PDXDC1: variants seen among roughly 807,000 people sequenced by gnomAD.
The protein encoded by PDXDC1 is pyridoxal dependent decarboxylase domain containing 1.
PDXDC1 carries 42 observed loss-of-function variants against 100.1 expected under a neutral mutation model. The observed-to-expected ratio is 0.42, with a 90% CI of 0.33 to 0.54. PDXDC1 has a LOEUF of 0.54. Ranked by LOEUF, PDXDC1 falls within the 20% of genes least tolerant of loss-of-function variation. The pLI, the probability that PDXDC1 is intolerant of heterozygous loss-of-function variation, is 0.10. For missense variants in PDXDC1, 636 were observed against 979.2 expected (o/e 0.65, Z 4.68); for synonymous variants, 260 against 371.7 (o/e 0.70, Z 3.46).
intron 16 of PDXDC1, among the ~76,000 whole-genome samples, chr16:15,089,617 G>GCA: frequency 6.6e-6 from 1 of 151,420 alleles, no homozygotes; most frequent in South Asian, 2.1e-4. Flanking sequence ...TGGCTAACAT[G>GCA]GTGAAACCCC....
At chr16:15,040,239 A>G, downstream of PDXDC1, 1 of 432,404 alleles carries the variant, frequency 2.3e-6, no homozygotes, top group Non-Finnish European at 4.1e-6. Flanking sequence ...CTTTACCCCA[A>G]GCATCTCGGT....
At chr16:15,049,370 C>A (rs2044209451) in intron 16 of PDXDC1, among the ~76,000 whole-genome samples, 2 of 152,120 alleles carry the variant, frequency 1.3e-5, no homozygotes, top group South Asian at 4.1e-4. Context: ...AATTTCACTT[C>A]TGGAAATCTG....
intron 16 of PDXDC1, among the ~76,000 whole-genome samples, chr16:15,077,488 T>C (rs2045511182): frequency 6.6e-6 from 1 of 152,078 alleles, no homozygotes; most frequent in South Asian, 2.1e-4. Flanking sequence ...AAGAAGTGCC[T>C]TTCACCTCCC....
intron 1 of PDXDC1, chr16:14,996,346 AAC>A (rs1971955610): frequency 2.3e-6 from 1 of 443,288 alleles, no homozygotes; most frequent in African/African-American, 2.0e-5. Context: ...GGAAAAGGTA[AAC>A]ACAGCTCTTC....
At chr16:15,086,427 C>G (rs1455809801) in intron 16 of PDXDC1, 2 of 1,613,498 alleles carry the variant, frequency 1.2e-6, no homozygotes, top group Non-Finnish European at 1.7e-6. Flanking sequence ...GAACGGAATT[C>G]TAGCAGCCAG....
intron 21 of PDXDC1, 88 bp from the exon 22 acceptor site, chr16:15,035,361 T>C (rs890051459): frequency 1.7e-5 from 11 of 637,442 alleles, no homozygotes; most frequent in African/African-American, 1.1e-4. Flanking sequence ...AAGGAGGTTA[T>C]TGGGGAGCAA....
intron 16 of PDXDC1, among the ~76,000 whole-genome samples, chr16:15,085,395 C>T (rs560182637): frequency 1.6e-4 from 24 of 152,238 alleles, no homozygotes; most frequent in African/African-American, 4.6e-4. Context: ...AAGCAATCCA[C>T]CCACTTAAGC....
chr16:15,100,103 T>G (rs930894488), intron 16 of PDXDC1, among the ~76,000 whole-genome samples: 4 of 152,216 alleles, frequency 2.6e-5, no homozygotes, highest in African/African-American at 9.6e-5. Flanking sequence ...GAGGTGACAG[T>G]ATACCAAATG....
Position 15,036,025 on chromosome 16 carries a change from C to G in PDXDC1, c.2117C>G (p.Pro706Arg). The change falls in exon 23 of 23, where the codon CCT becomes CGT. Residue 706 changes from proline to arginine, a missense_variant. This residue lies in a region of PDXDC1 where 452 missense variants were observed against 402.9 expected (regional missense o/e 1.12). Transcript: ENST00000396410. ...TCTGCCCTTTCTGTAGGCCAGAAGC[C>G]TTTTAAAAGGTCCCTGCGAGGTTCA... ...RTKQRLPGQK[P>R]FKRSLRGSDA... The G allele has an allele frequency of 6.2e-7, 1 of 1,612,856 alleles. No homozygotes were observed. The highest frequency in any genetic ancestry group is 2.2e-5 in the East Asian group (1 of 44,878).
At position 15,129,997 on chromosome 16, in the gene PDXDC1, G is replaced by C. The variant is rs760698130; in HGVS notation, c.1400-8882G>C. The C allele has an allele frequency of 2.9e-6, 3 of 1,036,024 alleles. No homozygotes were observed. In the African/African-American group the frequency reaches 4.6e-5, roughly 16 times the overall value. The allele number at this position is 1,036,024 out of a possible 1,614,324, so 64.2% of individuals were successfully genotyped here. A position where few individuals can be genotyped will look rare whatever the true frequency, so the allele number is the denominator to read the frequency against. On this transcript the variant is annotated intron_variant, in intron 16 of 16. Transcript: ENST00000535621. The stretch of plus-strand genomic sequence containing the variant: ...CATCCAACTGGTCCAGCTTGTGCAG[G>C]ATGGCGGCCATGACCATGTAGGTCA...
chr16:15,044,367 G>A, intron 16 of PDXDC1: 1 of 1,613,246 alleles, frequency 6.2e-7, no homozygotes, highest in Non-Finnish European at 8.5e-7. Context: ...TGTGACAACT[G>A]CCTGTCGTCA....
chr16:15,123,293 G>T (rs1303119970), intron 16 of PDXDC1: 49 of 1,465,120 alleles, frequency 3.3e-5, no homozygotes, highest in Admixed American at 5.9e-5. Flanking sequence ...TCACAAACCT[G>T]ATTTCTGGTC....
chr16:15,002,078 C>T (rs1248145705), intron 4 of PDXDC1, among the ~76,000 whole-genome samples: 2 of 152,288 alleles, frequency 1.3e-5, no homozygotes, highest in Non-Finnish European at 2.9e-5. Flanking sequence ...GGTATCATGC[C>T]TTAGAGAGGC....
chr16:15,076,602 G>A, intron 16 of PDXDC1: 1 of 1,613,448 alleles, frequency 6.2e-7, no homozygotes, highest in Non-Finnish European at 8.5e-7. Flanking sequence ...CCACAAGTTT[G>A]AGTTGCTGTT....
At position 15,019,307 on chromosome 16, in the gene PDXDC1, C is replaced by T. The variant is rs986583768; in HGVS notation, c.1089+342C>T. Reference sequence around the variant, plus strand: ...AGTGTTCCCCTTGATTGACTGACTACGGTGAGGGAATAGGAAGGTTACAAG... The same window carrying T: ...AGTGTTCCCCTTGATTGACTGACTATGGTGAGGGAATAGGAAGGTTACAAG... On this transcript the variant is annotated intron_variant, in intron 12 of 22. Coordinates refer to ENST00000396410, the MANE Select transcript of PDXDC1 (RefSeq NM_015027.4). 4.6e-5 allele frequency among the ~76,000 whole-genome samples: 7 copies of T among 152,268 alleles called. No homozygotes were observed. The East Asian group carries it at 9.6e-4, about 21-fold the overall frequency.
intron 16 of PDXDC1, chr16:15,086,120 A>G (rs1448821569): frequency 1.2e-6 from 2 of 1,605,878 alleles, no homozygotes; most frequent in Non-Finnish European, 1.7e-6. Flanking sequence ...ATTCCAAGCA[A>G]TGACTTACGA....
Position 15,036,576 on chromosome 16 carries a change from T to G in PDXDC1, c.*301T>G, listed in dbSNP as rs747155206. 7.1e-6 allele frequency: 3 copies of G among 424,830 alleles called. No individual in the cohort carries two copies. Among genetic ancestry groups the G allele is most frequent in the Non-Finnish European group, 1.3e-5 (3 of 237,096 alleles). The allele number at this position is 424,830 out of a possible 1,614,324, so 26.3% of individuals were successfully genotyped here. A position where few individuals can be genotyped will look rare whatever the true frequency, so the allele number is the denominator to read the frequency against. On this transcript the variant is annotated 3_prime_UTR_variant, in exon 23 of 23. Transcript: ENST00000396410. ...AAGTGTCTACCAGTAGCACCCTTGC[T>G]CTTTCTAAACATAAGCCTAAGTATA...
chr16:15,086,310 C>T, intron 16 of PDXDC1: 3 of 1,604,872 alleles, frequency 1.9e-6, no homozygotes, highest in Non-Finnish European at 2.6e-6. Flanking sequence ...ATAACATATA[C>T]TATTACCAAA....
intron 16 of PDXDC1, chr16:15,136,054 C>T: frequency 3.2e-6 from 5 of 1,572,494 alleles, no homozygotes; most frequent in Non-Finnish European, 4.3e-6. Flanking sequence ...GCTCTCCAGG[C>T]TGAAGGCCTC....
Sources: allele counts gnomAD v4.1 joint callset (sites outside exome capture counted in the v4.1 genomes callset), GRCh38; gene constraint gnomAD v4.1.1; regional missense constraint gnomAD v4.1.1; transcripts MANE v1.5; gene names NCBI Gene and HGNC (gene_info 2026-07-23, HGNC 2026-07-21).